The following NRXN3 variants were observed in gnomAD, a reference collection of about 807,000 sequenced individuals.
The protein encoded by NRXN3 is neurexin 3, also known as neurexin III.
In NRXN3, 32 loss-of-function variants were observed where a neutral mutation model predicts 137.6. The ratio of observed to expected loss-of-function variants is 0.23; its 90% CI spans 0.18 to 0.31. The LOEUF (loss-of-function observed/expected upper bound fraction) is 0.31. Ranked by LOEUF, NRXN3 falls within the 10% of genes least tolerant of loss-of-function variation. The pLI is 1.00. For synonymous variants in NRXN3, 798 were observed against 784.5 expected (o/e 1.02, Z -0.29); for missense variants, 1,574 against 2,062.5 (o/e 0.76, Z 4.59).
intron 9 of NRXN3, 109 bp from the exon 10 acceptor site, chr14:78,810,209 T>A (rs905400309): frequency 1.5e-6 from 1 of 677,008 alleles, no homozygotes; most frequent in Non-Finnish European, 2.6e-6. Context: ...AATGGCCACA[T>A]TTCTTACGTG....
intron 8 of NRXN3, among the ~76,000 whole-genome samples, chr14:78,782,538 T>A (rs919722774): frequency 6.6e-6 from 1 of 152,192 alleles, no homozygotes; most frequent in Non-Finnish European, 1.5e-5. Context: ...AAATTCTAAA[T>A]CATAACTGTA....
intron 1 of NRXN3, among the ~76,000 whole-genome samples, chr14:78,203,901 ACTT>A (rs1370762108): frequency 2.7e-5 from 4 of 145,902 alleles, no homozygotes; most frequent in East Asian, 2.0e-4. Flanking sequence ...GATTGTATAC[ACTT>A]CTTTTTTTAT....
intron 10 of NRXN3, among the ~76,000 whole-genome samples, chr14:78,836,809 G>A (rs2098998271): frequency 6.6e-6 from 1 of 152,118 alleles, no homozygotes; most frequent in Non-Finnish European, 1.5e-5. Flanking sequence ...TTCAGCATTG[G>A]CATACCTGAG....
chr14:78,371,189 G>A (rs899343503), intron 4 of NRXN3, among the ~76,000 whole-genome samples: 2 of 152,054 alleles, frequency 1.3e-5, no homozygotes, highest in Non-Finnish European at 2.9e-5. Context: ...CTCCTATCCT[G>A]TGCCCCTATA....
At chr14:79,195,389 T>C (rs2065003025) in intron 15 of NRXN3, among the ~76,000 whole-genome samples, 1 of 152,184 alleles carries the variant, frequency 6.6e-6, no homozygotes, top group Non-Finnish European at 1.5e-5. Flanking sequence ...AGCACTAAAA[T>C]ATGATGAGTC....
chr14:78,763,654 T>C (rs1429298485), intron 8 of NRXN3, among the ~76,000 whole-genome samples: 2 of 151,994 alleles, frequency 1.3e-5, no homozygotes, highest in Non-Finnish European at 2.9e-5. Context: ...AGATGGAGGA[T>C]ATAGAGTTCT....
At chr14:79,756,356 A>G (rs2099019481) in intron 19 of NRXN3, among the ~76,000 whole-genome samples, 1 of 152,198 alleles carries the variant, frequency 6.6e-6, no homozygotes, top group Non-Finnish European at 1.5e-5. Flanking sequence ...TGAGTCATTT[A>G]TAAAAAGTTT....
intron 3 of NRXN3, among the ~76,000 whole-genome samples, chr14:78,296,489 C>G (rs1049004294): frequency 6.6e-6 from 1 of 152,192 alleles, no homozygotes; most frequent in East Asian, 1.9e-4. Flanking sequence ...CTTTTCTCCT[C>G]TCTTCTTACT....
chr14:79,138,982 G>A (rs902909465), intron 15 of NRXN3, among the ~76,000 whole-genome samples: 2 of 152,218 alleles, frequency 1.3e-5, no homozygotes, highest in Non-Finnish European at 2.9e-5. Context: ...CTCTATGTGA[G>A]GGGTAATTTA....
At chr14:79,053,477 A>C (rs778794192) in intron 15 of NRXN3, among the ~76,000 whole-genome samples, 1 of 152,148 alleles carries the variant, frequency 6.6e-6, no homozygotes, top group Non-Finnish European at 1.5e-5. Flanking sequence ...GGCGATATCT[A>C]CCTTTCCTTG....
chr14:78,371,704 C>T (rs1413725710), intron 4 of NRXN3, among the ~76,000 whole-genome samples: 2 of 152,212 alleles, frequency 1.3e-5, no homozygotes, highest in Non-Finnish European at 2.9e-5. Flanking sequence ...GGGTTGAATC[C>T]AGAGGGTTTG....
chr14:79,583,068 A>C (rs1227358242), intron 16 of NRXN3, among the ~76,000 whole-genome samples: 2 of 152,232 alleles, frequency 1.3e-5, no homozygotes, highest in Non-Finnish European at 2.9e-5. Context: ...TAAAACACAC[A>C]AAAAAGTAAA....
intron 15 of NRXN3, among the ~76,000 whole-genome samples, chr14:79,031,687 C>A (rs2099608476): frequency 7.0e-6 from 1 of 141,930 alleles, no homozygotes; most frequent in South Asian, 2.5e-4. Context: ...ATTGTGTATC[C>A]AAAATCAAAC....
At chr14:79,543,678 A>G (rs1042635088) in intron 16 of NRXN3, among the ~76,000 whole-genome samples, 1 of 152,208 alleles carries the variant, frequency 6.6e-6, no homozygotes, top group African/African-American at 2.4e-5. Context: ...TTGAAAACAG[A>G]AGCTGCAACC....
intron 15 of NRXN3, among the ~76,000 whole-genome samples, chr14:78,990,995 A>T (rs2099517635): frequency 1.3e-5 from 2 of 152,178 alleles, no homozygotes; most frequent in Admixed American, 6.5e-5. Context: ...TACCTGCATG[A>T]TATTCTATAT....
intron 8 of NRXN3, among the ~76,000 whole-genome samples, chr14:78,754,856 A>G (rs796596587): frequency 1.3e-4 from 19 of 150,130 alleles, no homozygotes; most frequent in African/African-American, 4.4e-4. Flanking sequence ...TTTTTGAGAC[A>G]GAGTCTCACT....
intron 16 of NRXN3, among the ~76,000 whole-genome samples, chr14:79,468,474 G>A (rs2096458240): frequency 6.6e-6 from 1 of 152,168 alleles, no homozygotes; most frequent in South Asian, 2.1e-4. Context: ...GGAGGAAAAG[G>A]CAGTTAAGAA....
intron 19 of NRXN3, among the ~76,000 whole-genome samples, chr14:79,719,384 G>GTGTGTATATATATA (rs1470576457): frequency 9.1e-5 from 13 of 142,236 alleles, no homozygotes; most frequent in Non-Finnish European, 1.8e-4. Flanking sequence ...ATATATATGT[G>GTGTGTATATATATA]TGTGTATATA....
intron 19 of NRXN3, among the ~76,000 whole-genome samples, chr14:79,705,980 A>G (rs373459434): frequency 1.3e-4 from 19 of 149,260 alleles, no homozygotes; most frequent in African/African-American, 4.2e-4. Context: ...GTTGAAAGGT[A>G]TAAATAGTCA....
Sources: allele counts gnomAD v4.1 joint callset (sites outside exome capture counted in the v4.1 genomes callset), GRCh38; gene constraint gnomAD v4.1.1; transcripts MANE v1.5; gene names NCBI Gene and HGNC (gene_info 2026-07-23, HGNC 2026-07-21).